The following NFKB1 variants were observed in gnomAD, a reference collection of about 807,000 sequenced individuals.
The protein encoded by NFKB1 is nuclear factor NF-kappa-B p105 subunit.
Under a neutral mutation model 105.1 loss-of-function variants are expected in NFKB1, and 9 were observed. The ratio of observed to expected loss-of-function variants is 0.09; its 90% CI spans 0.05 to 0.15. The LOEUF (loss-of-function observed/expected upper bound fraction) is 0.15. Ranked by LOEUF, NFKB1 falls within the 10% of genes least tolerant of loss-of-function variation. NFKB1 has a pLI of 1.00. For synonymous variants in NFKB1, 440 were observed against 442.2 expected, an observed-to-expected ratio of 1.00 and a Z score of 0.06; for missense variants, 830 against 1,203.7, an observed-to-expected ratio of 0.69 and a Z score of 4.59.
At chr4:102,548,450 T>C (rs1722309181) in intron 5 of NFKB1, among the ~76,000 whole-genome samples, 1 of 152,138 alleles carries the variant, frequency 6.6e-6, no homozygotes, top group Admixed American at 6.6e-5. Context: ...GGTGTAGTAC[T>C]GGAAACTGCG....
In NFKB1 at chr4:102,576,866, T is replaced by G. The variant is rs746509528; in HGVS notation, c.408-10T>G. 3.1e-6 allele frequency: 5 copies of G among 1,602,218 alleles called. No individual in the cohort carries two copies. The South Asian group carries it at 5.6e-5, about 18-fold the overall frequency. ...TGTTGTTGCTGCTGCTGTTACTGTTTTTTCTCCAGCTTCGCAAACCTGGGT... is the reference window on the plus strand; with the variant it reads ...TGTTGTTGCTGCTGCTGTTACTGTTGTTTCTCCAGCTTCGCAAACCTGGGT... On this transcript the variant is annotated splice_polypyrimidine_tract_variant and intron_variant, in intron 6 of 23. Coordinates refer to ENST00000226574, the MANE Select transcript of NFKB1 (RefSeq NM_003998.4).
Position 102,593,461 on chromosome 4 carries a change from T to C in NFKB1, c.1103T>C (p.Met368Thr). The C allele has an allele frequency of 1.9e-6, 3 of 1,613,842 alleles. No homozygotes were observed. The highest frequency in any genetic ancestry group is 1.1e-5 in the South Asian group (1 of 91,066). ...GTGCAGAGGAAACGTCAGAAGCTCA[T>C]GCCCAATTTTTCGGATAGTTTCGGC... ...EEVQRKRQKL[M>T]PNFSDSFGGG... The change falls in exon 12 of 24, where the codon ATG (methionine) becomes ACG (threonine). Residue 368 changes from methionine (M) to threonine (T), a missense_variant. Around this residue, in one of 8 missense-constraint regions of NFKB1, gnomAD observed 42 missense variants for 145.7 expected, o/e 0.29. Coordinates refer to ENST00000226574, the MANE Select transcript of NFKB1 (RefSeq NM_003998.4).
chr4:102,506,128 G>C (rs1302474039), intron 1 of NFKB1, among the ~76,000 whole-genome samples: 2 of 152,072 alleles, frequency 1.3e-5, no homozygotes, highest in Non-Finnish European at 2.9e-5. Context: ...TAGTTTCAAA[G>C]TTTTAGAGGC....
At chr4:102,607,870 T>C in intron 19 of NFKB1, 119 bp downstream of exon 19, 1 of 819,996 alleles carries the variant, frequency 1.2e-6, no homozygotes, top group Non-Finnish European at 2.1e-6. Context: ...AAAACAAGGG[T>C]AAATAAAAAT....
At chr4:102,575,394 T>G (rs1724734046) in intron 6 of NFKB1, among the ~76,000 whole-genome samples, 1 of 152,222 alleles carries the variant, frequency 6.6e-6, no homozygotes, top group African/African-American at 2.4e-5. Flanking sequence ...GTTCATTCTT[T>G]CCTTCAATCC....
At chr4:102,591,927 A>T (rs1315465634) in intron 11 of NFKB1, among the ~76,000 whole-genome samples, 2 of 152,224 alleles carry the variant, frequency 1.3e-5, no homozygotes, top group East Asian at 3.8e-4. Context: ...CACATTTGTG[A>T]TTCATGGAAG....
At position 102,608,835 on chromosome 4, in the gene NFKB1, GA is replaced by G. The variant is rs149770036; in HGVS notation, c.2227+1085del. Among the ~76,000 whole-genome samples, 1,279 of 152,214 alleles carry G rather than the reference GA, an allele frequency of 8.4e-3. 19 individuals carry two copies. Among genetic ancestry groups the G allele is most frequent in the African/African-American group, 0.03 (1,231 of 41,548 alleles). On this transcript the variant is annotated intron_variant, in intron 19 of 23. Coordinates refer to ENST00000226574, the MANE Select transcript of NFKB1 (RefSeq NM_003998.4). ...GGTATTAATAGTTTTAGAAGACACT[GA>G]TTAATTAAATGCCTTCCAACAAGAA... is the stretch of plus-strand genomic sequence containing the variant.
At chr4:102,566,159 T>C (rs1178400053) in intron 5 of NFKB1, among the ~76,000 whole-genome samples, 1 of 152,182 alleles carries the variant, frequency 6.6e-6, no homozygotes, top group Non-Finnish European at 1.5e-5. Flanking sequence ...AAAGAGGATA[T>C]CTAAGTGTTT....
intron 6 of NFKB1, among the ~76,000 whole-genome samples, 154 bp downstream of exon 6, chr4:102,567,289 C>T (rs1410526844): frequency 6.6e-6 from 1 of 152,144 alleles, no homozygotes; most frequent in Non-Finnish European, 1.5e-5. Flanking sequence ...ATTTGGACTC[C>T]AGGAAGTAAG....
In NFKB1 at chr4:102,585,906, G is replaced by T. The variant is rs1395853124; in HGVS notation, c.1066+1086G>T. On this transcript the variant is annotated intron_variant, in intron 11 of 23. Transcript: ENST00000226574. ...AGCGTTTATGCAGAGGGAAAAAAGT[G>T]TTCTGAGCGCTCGGATGGACATGAA... Among the ~76,000 whole-genome samples the T allele has an allele frequency of 2.0e-5, 3 of 152,280 alleles. No individual in the cohort carries two copies. The East Asian group carries it at 5.8e-4, about 29-fold the overall frequency.
At chr4:102,508,362 CTATT>C (rs1739564248) in intron 1 of NFKB1, among the ~76,000 whole-genome samples, 1 of 151,994 alleles carries the variant, frequency 6.6e-6, no homozygotes, top group South Asian at 2.1e-4. Context: ...GTGTGGGTGG[CTATT>C]TATGTAGAGG....
chr4:102,570,253 C>T (rs1211992914), intron 6 of NFKB1, among the ~76,000 whole-genome samples: 1 of 152,106 alleles, frequency 6.6e-6, no homozygotes, highest in East Asian at 1.9e-4. Context: ...TGTTGTTCCC[C>T]TTTTTGTCCA....
At chr4:102,522,307 C>T (rs531641264) in intron 1 of NFKB1, among the ~76,000 whole-genome samples, 2 of 152,288 alleles carry the variant, frequency 1.3e-5, no homozygotes, top group South Asian at 2.1e-4. Flanking sequence ...ATCACCATAG[C>T]GTTACTGTTA....
At chr4:102,615,183 G>A (rs1247145199) in intron 23 of NFKB1, among the ~76,000 whole-genome samples, 1 of 152,176 alleles carries the variant, frequency 6.6e-6, no homozygotes, top group African/African-American at 2.4e-5. Flanking sequence ...CATTCATTCA[G>A]CAAATCCTGA....
intron 1 of NFKB1, among the ~76,000 whole-genome samples, chr4:102,520,030 T>C (rs1448024704): frequency 6.6e-6 from 1 of 152,166 alleles, no homozygotes; most frequent in African/African-American, 2.4e-5. Context: ...TGCTTTATTG[T>C]GAGGGGCCAT....
At chr4:102,563,817 CTCTT>C (rs1293619965) in intron 5 of NFKB1, among the ~76,000 whole-genome samples, 5 of 112,230 alleles carry the variant, frequency 4.5e-5, no homozygotes, top group Non-Finnish European at 7.1e-5. Flanking sequence ...GAAAGCTTAA[CTCTT>C]TTTTTTTTTT....
chr4:102,502,560 C>G (rs971920802), intron 1 of NFKB1, among the ~76,000 whole-genome samples: 5 of 152,152 alleles, frequency 3.3e-5, no homozygotes, highest in African/African-American at 1.2e-4. Context: ...GACAGTGCCA[C>G]CATGCATTAT....
At chr4:102,601,477 A>G (rs1048703341) in intron 16 of NFKB1, among the ~76,000 whole-genome samples, 2 of 151,960 alleles carry the variant, frequency 1.3e-5, no homozygotes, top group Non-Finnish European at 2.9e-5. Flanking sequence ...AGTTTGCTTG[A>G]GGAGGAAAAG....
chr4:102,605,121 G>C, intron 16 of NFKB1, among the ~76,000 whole-genome samples: 1 of 152,004 alleles, frequency 6.6e-6, no homozygotes. Flanking sequence ...ATCTCCCCAA[G>C]TAGCATTTCA....
Sources: gnomAD v4.1 joint callset for allele counts (sites outside exome capture counted in the v4.1 genomes callset) on GRCh38, gnomAD v4.1.1 for gene constraint, gnomAD v4.1.1 regional missense constraint, MANE v1.5 for transcripts, NCBI Gene and HGNC (gene_info 2026-07-23, HGNC 2026-07-21) for gene names.